GRID2: variants seen among roughly 807,000 people sequenced by gnomAD.
The protein encoded by GRID2 is glutamate ionotropic receptor delta type subunit 2.
Under a neutral mutation model 114.8 loss-of-function variants are expected in GRID2, and 33 were observed. The observed-to-expected ratio is 0.29, with a 90% CI of 0.22 to 0.38. GRID2 has a LOEUF of 0.38. Ranked by LOEUF, GRID2 falls within the 10% of genes least tolerant of loss-of-function variation. The probability of loss-of-function intolerance (pLI) is 1.00; values close to 1 mark genes in which losing one functional copy is unlikely to be tolerated. For synonymous variants in GRID2, 505 were observed against 449.9 expected, an observed-to-expected ratio of 1.12 and a Z score of -1.55; for missense variants, 1,184 against 1,257.7, an observed-to-expected ratio of 0.94 and a Z score of 0.89.
At chr4:92,483,924 G>A (rs1412739541) in intron 1 of GRID2, among the ~76,000 whole-genome samples, 1 of 152,132 alleles carries the variant, frequency 6.6e-6, no homozygotes, top group Non-Finnish European at 1.5e-5. Flanking sequence ...TGGAAATATT[G>A]CATATGAGAA....
intron 2 of GRID2, among the ~76,000 whole-genome samples, chr4:92,776,038 A>G (rs1738776735): frequency 2.6e-5 from 4 of 152,182 alleles, no homozygotes; most frequent in Admixed American, 2.6e-4. Context: ...ATGATTCTGT[A>G]AAAATTAACA....
In GRID2 at chr4:92,679,918, A is replaced by G. The variant is rs991858781; in HGVS notation, c.244+89632A>G. Reference sequence around the variant, plus strand: ...AACTTCCTAGATGTTAAATTGACTGAAAAAAAAAAACATATCAAAGAAGCA... The same window carrying G: ...AACTTCCTAGATGTTAAATTGACTGGAAAAAAAAAACATATCAAAGAAGCA... On this transcript the variant is annotated intron_variant, in intron 2 of 15. Transcript: ENST00000282020. Among the ~76,000 whole-genome samples, 3 of 69,500 alleles carry G rather than the reference A, an allele frequency of 4.3e-5. No individual in the cohort carries two copies. In the East Asian group the frequency reaches 1.1e-3, roughly 26 times the overall value. The allele number at this position is 69,500 out of a possible 152,430, so 45.6% of individuals were successfully genotyped here. A position where few individuals can be genotyped will look rare whatever the true frequency, so the allele number is the denominator to read the frequency against.
chr4:92,852,753 A>G (rs1560640182), intron 2 of GRID2, among the ~76,000 whole-genome samples: 1 of 151,794 alleles, frequency 6.6e-6, no homozygotes, highest in African/African-American at 2.4e-5. Flanking sequence ...CTGTAACCAC[A>G]CTGGAATATT....
chr4:93,111,908 G>C (rs888721933), intron 4 of GRID2: 2 of 151,898 alleles, frequency 1.3e-5, no homozygotes, highest in African/African-American at 4.8e-5. Context: ...TCACTAGGAA[G>C]GGTAAAACTT....
intron 11 of GRID2, among the ~76,000 whole-genome samples, chr4:93,463,082 G>T (rs1259531432): frequency 6.6e-6 from 1 of 152,018 alleles, no homozygotes; most frequent in Admixed American, 6.6e-5. Flanking sequence ...CTTAACAAAG[G>T]GACCAAAATG....
chr4:93,427,284 C>T (rs556653903), intron 10 of GRID2, among the ~76,000 whole-genome samples: 1 of 151,732 alleles, frequency 6.6e-6, no homozygotes, highest in Non-Finnish European at 1.5e-5. Flanking sequence ...AAAATTACAC[C>T]GTTGAAATGG....
At chr4:93,169,024 G>T (rs1051846779) in intron 4 of GRID2, among the ~76,000 whole-genome samples, 1 of 151,918 alleles carries the variant, frequency 6.6e-6, no homozygotes, top group African/African-American at 2.4e-5. Context: ...ATGACTAGGG[G>T]ATCATTCAGT....
intron 14 of GRID2, among the ~76,000 whole-genome samples, chr4:93,720,282 T>C (rs1281534720): frequency 6.6e-6 from 1 of 152,128 alleles, no homozygotes; most frequent in Non-Finnish European, 1.5e-5. Flanking sequence ...TGATGCAATA[T>C]TAAAAAGAAT....
intron 4 of GRID2, among the ~76,000 whole-genome samples, chr4:93,188,090 GA>G (rs1263223748): frequency 6.6e-6 from 1 of 152,192 alleles, no homozygotes; most frequent in Non-Finnish European, 1.5e-5. Flanking sequence ...CTTGCATGCT[GA>G]AGGCTGTACT....
At chr4:93,030,722 A>G (rs936890005) in intron 2 of GRID2, among the ~76,000 whole-genome samples, 9 of 152,054 alleles carry the variant, frequency 5.9e-5, no homozygotes, top group East Asian at 1.9e-4. Flanking sequence ...GCATCTACAA[A>G]CAGACCTCTT....
chr4:92,670,767 G>T (rs934064846), intron 2 of GRID2, among the ~76,000 whole-genome samples: 1 of 152,034 alleles, frequency 6.6e-6, no homozygotes, highest in Non-Finnish European at 1.5e-5. Flanking sequence ...GAAGTAGGTA[G>T]TATTGTTATT....
chr4:93,605,994 T>G (rs979648630), intron 13 of GRID2, among the ~76,000 whole-genome samples: 3 of 152,086 alleles, frequency 2.0e-5, no homozygotes, highest in Non-Finnish European at 4.4e-5. Context: ...AGGCTGGCCA[T>G]GGTGGCTCAC....
intron 2 of GRID2, among the ~76,000 whole-genome samples, chr4:92,759,785 C>CTT (rs1398337695): frequency 4.7e-5 from 7 of 149,748 alleles, no homozygotes; most frequent in African/African-American, 1.7e-4. Context: ...TCTTCTTCTT[C>CTT]TTCTTTTTTT....
chr4:92,935,162 A>T (rs2149526189), intron 2 of GRID2, among the ~76,000 whole-genome samples: 1 of 146,532 alleles, frequency 6.8e-6, no homozygotes, highest in Non-Finnish European at 1.5e-5. Flanking sequence ...TAATATCCAG[A>T]ATCTACAATG....
At chr4:92,423,956 G>A (rs1474829429) in intron 1 of GRID2, among the ~76,000 whole-genome samples, 2 of 152,104 alleles carry the variant, frequency 1.3e-5, no homozygotes, top group Non-Finnish European at 2.9e-5. Context: ...GAATTGCTCT[G>A]AAAATATTTG....
chr4:93,352,351 G>A (rs1180998079), intron 8 of GRID2, among the ~76,000 whole-genome samples: 1 of 151,940 alleles, frequency 6.6e-6, no homozygotes, highest in Non-Finnish European at 1.5e-5. Flanking sequence ...AAAGTACCAG[G>A]AACCCTGGAA....
chr4:93,403,128 G>A (rs1452024714), intron 9 of GRID2, among the ~76,000 whole-genome samples: 1 of 152,132 alleles, frequency 6.6e-6, no homozygotes. Flanking sequence ...TGTCTTACGA[G>A]GGCTCCTTCG....
At chr4:93,600,851 CT>C (rs1388188484) in intron 13 of GRID2, among the ~76,000 whole-genome samples, 2 of 152,154 alleles carry the variant, frequency 1.3e-5, no homozygotes, top group African/African-American at 4.8e-5. Flanking sequence ...TAATGAGCTA[CT>C]GATACACAAA....
chr4:93,039,700 A>C (rs1028455059), intron 2 of GRID2, among the ~76,000 whole-genome samples: 2 of 152,056 alleles, frequency 1.3e-5, no homozygotes, highest in Admixed American at 6.6e-5. Flanking sequence ...GAATCTTTTA[A>C]ATTCTGAGTT....
Sources: allele counts gnomAD v4.1 joint callset (sites outside exome capture counted in the v4.1 genomes callset), GRCh38; gene constraint gnomAD v4.1.1; transcripts MANE v1.5; gene names NCBI Gene and HGNC (gene_info 2026-07-23, HGNC 2026-07-21).